CEP63: variants seen among roughly 807,000 people sequenced by gnomAD.
CEP63 encodes centrosomal protein of 63 kDa.
A neutral mutation model predicts 89.1 loss-of-function variants in CEP63; 84 were observed. That is an observed-to-expected ratio of 0.94 (90% CI 0.79 to 1.13). CEP63 has a LOEUF of 1.13. CEP63 is among the 50% of genes most tolerant of loss of function. CEP63 has a pLI of 0.00. For synonymous variants in CEP63, 267 were observed against 272.5 expected (o/e 0.98, Z 0.20); for missense variants, 838 against 813.3 (o/e 1.03, Z -0.37).
At chr3:134,750,617 C>A in the CEP63 span, among the ~76,000 whole-genome samples, 43 of 152,266 alleles carry the variant, frequency 2.8e-4, no homozygotes, top group African/African-American at 7.9e-4. Context: ...GCAGCCTCCC[C>A]TTGGAGACAG....
rs558236056 is a variant in CEP63, at chr3:134,522,271, T to A, written c.223-9574T>A. 1.8e-4 allele frequency among the ~76,000 whole-genome samples: 28 copies of A among 152,242 alleles called. No homozygotes were observed. In the South Asian group the frequency reaches 5.8e-3, roughly 32 times the overall value. Reference sequence around the variant, plus strand: ...AAGAGATCAGGAAAATTCAGATCAATCCAGGCAGGAGGAATCATTAGGTGT... The same window carrying A: ...AAGAGATCAGGAAAATTCAGATCAAACCAGGCAGGAGGAATCATTAGGTGT... On this transcript the variant is annotated intron_variant, in intron 3 of 14. Coordinates refer to ENST00000675561, the MANE Select transcript of CEP63 (RefSeq NM_001353108.3).
At chr3:134,543,170 A>G (rs1243934319) in intron 6 of CEP63, among the ~76,000 whole-genome samples, 1 of 152,210 alleles carries the variant, frequency 6.6e-6, no homozygotes, top group Non-Finnish European at 1.5e-5. Flanking sequence ...ATTAATTTTA[A>G]TAATATATTC....
chr3:134,650,263 C>T, the CEP63 span, among the ~76,000 whole-genome samples: 1 of 152,156 alleles, frequency 6.6e-6, no homozygotes, highest in Non-Finnish European at 1.5e-5. Flanking sequence ...CAAATCTTAC[C>T]CTATCCAAAC....
the CEP63 span, among the ~76,000 whole-genome samples, chr3:134,763,545 G>A: frequency 1.3e-5 from 2 of 152,170 alleles, no homozygotes; most frequent in South Asian, 2.1e-4. Context: ...AATTCCCCAG[G>A]CAACCCTGCC....
intron 2 of CEP63, among the ~76,000 whole-genome samples, chr3:134,500,096 G>A (rs556449621): frequency 6.6e-6 from 1 of 152,210 alleles, no homozygotes; most frequent in African/African-American, 2.4e-5. Context: ...AAAGTGCTGG[G>A]ATTACAGGTG....
At chr3:134,621,954 A>AT in the CEP63 span, among the ~76,000 whole-genome samples, 16 of 152,374 alleles carry the variant, frequency 1.1e-4, no homozygotes, top group Non-Finnish European at 2.9e-5. Context: ...CAATAAGCAC[A>AT]TAAAAAAAAG....
At chr3:134,581,646 T>TGACA (rs1029458484) in intron 10 of CEP63, among the ~76,000 whole-genome samples, 10 of 151,382 alleles carry the variant, frequency 6.6e-5, no homozygotes, top group African/African-American at 1.9e-4. Context: ...AAAAAGCATT[T>TGACA]GACAGAACTC....
downstream of CEP63, among the ~76,000 whole-genome samples, chr3:134,579,848 A>G (rs1577513238): frequency 1.3e-5 from 2 of 152,236 alleles, no homozygotes; most frequent in South Asian, 4.1e-4. Flanking sequence ...AAATAATACT[A>G]TATAGCAATA....
the CEP63 span, among the ~76,000 whole-genome samples, chr3:134,703,028 A>G: frequency 6.6e-6 from 1 of 152,118 alleles, no homozygotes; most frequent in African/African-American, 2.4e-5. Context: ...GAGTGCGGTC[A>G]CTCATGCCTG....
chr3:134,495,553 A>C (rs1441071758), intron 2 of CEP63, among the ~76,000 whole-genome samples, 189 bp downstream of exon 2: 1 of 152,068 alleles, frequency 6.6e-6, no homozygotes, highest in Non-Finnish European at 1.5e-5. Flanking sequence ...GCTACTTTGA[A>C]ATATATAGTA....
intron 1 of CEP63, among the ~76,000 whole-genome samples, chr3:134,490,831 T>C (rs1937368408): frequency 6.6e-6 from 1 of 152,214 alleles, no homozygotes; most frequent in Non-Finnish European, 1.5e-5. Flanking sequence ...TAAAATGTGC[T>C]ATTATGTATA....
chr3:134,531,841 T>A lies in CEP63; in HGVS notation c.223-4T>A, dbSNP rs543166776. Reference sequence around the variant, plus strand: ...GAAAAATACTACCACCTTTCTGCTTTTAGGTTGGAATGTTGCATCAGCAGG... The same window carrying A: ...GAAAAATACTACCACCTTTCTGCTTATAGGTTGGAATGTTGCATCAGCAGG... On this transcript the variant is annotated splice_polypyrimidine_tract_variant and splice_region_variant and intron_variant, in intron 3 of 14. Coordinates refer to ENST00000675561, the MANE Select transcript of CEP63 (RefSeq NM_001353108.3). The A allele has an allele frequency of 1.9e-6, 3 of 1,609,040 alleles. No homozygotes were observed. In the East Asian group the frequency reaches 6.7e-5, roughly 36 times the overall value.
rs192966878 is a variant in CEP63, at chr3:134,564,333, T to C, written c.*2798T>C. ...CAGTTTGTCTCCTCTTCCCACACCCTGTCATGTGCTCCTAAAACTCCCCCT... is the reference window on the plus strand; with the variant it reads ...CAGTTTGTCTCCTCTTCCCACACCCCGTCATGTGCTCCTAAAACTCCCCCT... On this transcript the variant is annotated 3_prime_UTR_variant, in exon 15 of 15. Coordinates refer to ENST00000675561, the MANE Select transcript of CEP63 (RefSeq NM_001353108.3). 1.1e-5 allele frequency: 11 copies of C among 985,472 alleles called. No individual in the cohort carries two copies. The African/African-American group carries it at 1.4e-4, about 12-fold the overall frequency. The allele number at this position is 985,472 out of a possible 1,614,324, so 61.0% of individuals were successfully genotyped here.
chr3:134,577,890 G>A (rs1276052867), downstream of CEP63, among the ~76,000 whole-genome samples: 1 of 152,092 alleles, frequency 6.6e-6, no homozygotes, highest in African/African-American at 2.4e-5. Context: ...TTCTGTTCCT[G>A]TGTTAGTTTG....
At chr3:134,651,288 G>C in the CEP63 span, 1 of 1,186,754 alleles carries the variant, frequency 8.4e-7, no homozygotes, top group South Asian at 1.6e-5. Context: ...CCTGCCTCCC[G>C]CCCGGTGCAC....
chr3:134,601,148 A>T, the CEP63 span: 2 of 152,232 alleles, frequency 1.3e-5, no homozygotes, highest in African/African-American at 4.8e-5. Flanking sequence ...GTAAAAATTC[A>T]TGAAGATTAG....
the CEP63 span, among the ~76,000 whole-genome samples, chr3:134,641,541 C>T: frequency 6.6e-6 from 1 of 152,138 alleles, no homozygotes; most frequent in Non-Finnish European, 1.5e-5. Flanking sequence ...AATGAATGCA[C>T]CCCTAGAGCC....
At chr3:134,604,442 A>G in the CEP63 span, 11 of 1,612,642 alleles carry the variant, frequency 6.8e-6, no homozygotes, top group Non-Finnish European at 8.5e-6. Context: ...GTCGGGGCGC[A>G]GCTCTCAATG....
chr3:134,491,570 G>T (rs527752016), intron 1 of CEP63, among the ~76,000 whole-genome samples: 1 of 152,046 alleles, frequency 6.6e-6, no homozygotes, highest in Non-Finnish European at 1.5e-5. Flanking sequence ...CTTTCTCATT[G>T]TTCTTCCTGG....
Sources: gnomAD v4.1 joint callset for allele counts (sites outside exome capture counted in the v4.1 genomes callset) on GRCh38, gnomAD v4.1.1 for gene constraint, MANE v1.5 for transcripts, NCBI Gene and HGNC (gene_info 2026-07-23, HGNC 2026-07-21) for gene names.